SERP1: variants seen among roughly 807,000 people sequenced by gnomAD.
SERP1 encodes stress-associated endoplasmic reticulum protein 1.
SERP1 carries 6 observed loss-of-function variants against 8.8 expected under a neutral mutation model. That is an observed-to-expected ratio of 0.68 (90% confidence interval 0.37 to 1.35). The LOEUF (loss-of-function observed/expected upper bound fraction) is 1.35, where lower values mean the gene tolerates loss of function less well. SERP1 is among the 40% of genes most tolerant of loss of function. The probability of loss-of-function intolerance (pLI) is 0.02; values close to 1 mark genes in which losing one functional copy is unlikely to be tolerated. For synonymous variants in SERP1, 36 were observed against 28.7 expected (o/e 1.25, Z -0.81); for missense variants, 52 against 86.2 (o/e 0.60, Z 1.57).
At chr3:150,545,384 G>C (rs1337824166) in intron 2 of SERP1, 1 of 431,782 alleles carries the variant, frequency 2.3e-6, no homozygotes. Context: ...ACTGATAATG[G>C]AGTTACAAAA....
chr3:150,545,168 A>G (rs1722954782), intron 2 of SERP1, among the ~76,000 whole-genome samples: 2 of 152,286 alleles, frequency 1.3e-5, no homozygotes, highest in African/African-American at 4.8e-5. Context: ...TAAACCATGT[A>G]TCAAACGTTT....
In SERP1 at chr3:150,544,276, T is replaced by C; in HGVS notation, c.*182A>G. 1 of 611,554 alleles carries C rather than the reference T, an allele frequency of 1.6e-6. No homozygotes were observed. Among genetic ancestry groups the C allele is most frequent in the South Asian group, 2.1e-5 (1 of 47,714 alleles). 37.9% of individuals were successfully genotyped at this position (611,554 alleles called of 1,614,324 possible). Reference sequence around the variant, plus strand: ...TGGTGTTTTTTGCAAGGCACTGTGGTATGGACTAGAAAACTTGGAATGACT... The same window carrying C: ...TGGTGTTTTTTGCAAGGCACTGTGGCATGGACTAGAAAACTTGGAATGACT... On this transcript the variant is annotated 3_prime_UTR_variant, in exon 3 of 3. Coordinates refer to ENST00000239944, the MANE Select transcript of SERP1 (RefSeq NM_014445.4).
At position 150,546,386 on chromosome 3, in the gene SERP1, G is replaced by T. The variant is rs1156267002; in HGVS notation, c.-251C>A. On this transcript the variant is annotated 5_prime_UTR_variant, in exon 1 of 3. Coordinates refer to ENST00000239944, the MANE Select transcript of SERP1 (RefSeq NM_014445.4). ...CAGGAGGAAGAGAACTGGCCGCCGG[G>T]TCGTTCTCGCGCCGCCGTCGCCGCC... 1 of 565,470 alleles carries T rather than the reference G, an allele frequency of 1.8e-6. No homozygotes were observed. Among genetic ancestry groups the T allele is most frequent in the Non-Finnish European group, 3.1e-6 (1 of 324,226 alleles). 35.0% of individuals were successfully genotyped at this position (565,470 alleles called of 1,614,324 possible). A position where few individuals can be genotyped will look rare whatever the true frequency, so the allele number is the denominator to read the frequency against.
chr3:150,543,546 A>C lies in SERP1; in HGVS notation c.*912T>G, dbSNP rs1576581036. ...TTAAAAGTGCTATTTAACATGCTAAAATGTCTTATGGCACATTGGACTCAA... is the reference window on the plus strand; with the variant it reads ...TTAAAAGTGCTATTTAACATGCTAACATGTCTTATGGCACATTGGACTCAA... On this transcript the variant is annotated 3_prime_UTR_variant, in exon 3 of 3. Transcript: ENST00000239944. The C allele has an allele frequency of 6.5e-6, 1 of 152,724 alleles. No homozygotes were observed. Among genetic ancestry groups the C allele is most frequent in the East Asian group, 1.9e-4 (1 of 5,186 alleles). 9.5% of individuals were successfully genotyped at this position (152,724 alleles called of 1,614,324 possible).
intron 2 of SERP1, 32 bp from the exon 3 acceptor site, chr3:150,544,530 G>A (rs776031400): frequency 3.8e-6 from 6 of 1,569,272 alleles, no homozygotes; most frequent in Non-Finnish European, 4.4e-6. Flanking sequence ...ATTAAAATAA[G>A]CTTTGAATAA....
At position 150,546,359 on chromosome 3, in the gene SERP1, C is replaced by T. The variant is rs1294117590; in HGVS notation, c.-224G>A. 4 of 580,258 alleles carry T rather than the reference C, an allele frequency of 6.9e-6. No individual in the cohort carries two copies. The highest frequency in any genetic ancestry group is 3.5e-5 in the Admixed American group (1 of 28,676). The allele number at this position is 580,258 out of a possible 1,614,324, so 35.9% of individuals were successfully genotyped here. On this transcript the variant is annotated 5_prime_UTR_variant, in exon 1 of 3. Transcript: ENST00000239944. ...ACTGACTGACCGAGCGGGGCAGGTG[C>T]GCAGGAGGAAGAGAACTGGCCGCCG...
At position 150,545,689 on chromosome 3, in the gene SERP1, C is replaced by T. The variant is rs1204200465; in HGVS notation, c.160+14G>A. On this transcript the variant is annotated intron_variant, in intron 2 of 2. Transcript: ENST00000239944. ...CCCAAGACTCTACCTGATGGGAGCC[C>T]CCAAGCCACTTACCAGAACCACAGA... is the stretch of plus-strand genomic sequence containing the variant. The T allele has an allele frequency of 6.3e-7, 1 of 1,599,156 alleles. No individual in the cohort carries two copies. Among genetic ancestry groups the T allele is most frequent in the South Asian group, 1.1e-5 (1 of 88,924 alleles).
chr3:150,544,930 T>C (rs1254087130), intron 2 of SERP1, among the ~76,000 whole-genome samples: 6 of 152,222 alleles, frequency 3.9e-5, no homozygotes, highest in African/African-American at 1.4e-4. Flanking sequence ...CTCATCCATT[T>C]ATCAGGAAAG....
At position 150,546,185 on chromosome 3, in the gene SERP1, G is replaced by A. The variant is rs1351219018; in HGVS notation, c.-50C>T. On this transcript the variant is annotated 5_prime_UTR_variant, in exon 1 of 3. Transcript: ENST00000239944. ...GGCCACCCCTCGGACTCGCTCACTC[G>A]CCTGCCTCCTCTGGAGCCGCTGCGA... The A allele has an allele frequency of 1.6e-5, 26 of 1,591,450 alleles. No homozygotes were observed. Among genetic ancestry groups the A allele is most frequent in the Non-Finnish European group, 2.2e-5 (26 of 1,165,138 alleles).
Position 150,546,395 on chromosome 3 carries a change from GCGCCGCCGTCGCCGCCGCTTTGGC to G in SERP1, c.-284_-261del. 1 of 561,328 alleles carries G rather than the reference GCGCCGCCGTCGCCGCCGCTTTGGC, an allele frequency of 1.8e-6. No individual in the cohort carries two copies. The highest frequency in any genetic ancestry group is 2.3e-5 in the South Asian group (1 of 44,232). 34.8% of individuals were successfully genotyped at this position (561,328 alleles called of 1,614,324 possible). On this transcript the variant is annotated 5_prime_UTR_variant, in exon 1 of 3. Transcript: ENST00000239944. ...GAGAACTGGCCGCCGGGTCGTTCTC[GCGCCGCCGTCGCCGCCGCTTTGGC>G]CGCCGCCGTGAGCGCGGAGTGAAAG...
Position 150,546,121 on chromosome 3 carries a change from T to C in SERP1, c.15A>G (p.Gln5=), listed in dbSNP as rs761809141. 69 of 1,613,436 alleles carry C rather than the reference T, an allele frequency of 4.3e-5. No individual in the cohort carries two copies. Among genetic ancestry groups the C allele is most frequent in the Admixed American group, 1.2e-4 (7 of 60,012 alleles). ...GCTTCTCGTTGGCCATACGGATCCT[T>C]TGCTTGGCGACCATCTTCGCGGCGC... MVAK[Q]RIRMANEKHS... Residue 5 remains glutamine, a synonymous_variant, in exon 1 of 3, where the codon CAA becomes CAG. Transcript: ENST00000239944.
Position 150,543,573 on chromosome 3 carries a change from A to G in SERP1, c.*885T>C, listed in dbSNP as rs547831143. 6.5e-6 allele frequency: 1 copy of G among 152,744 alleles called. No individual in the cohort carries two copies. Among genetic ancestry groups the G allele is most frequent in the African/African-American group, 2.4e-5 (1 of 41,576 alleles). 9.5% of individuals were successfully genotyped at this position (152,744 alleles called of 1,614,324 possible). Reference sequence around the variant, plus strand: ...TGTCTTATGGCACATTGGACTCAACAGCATGTTCTGATGAGGCATCCATTT... The same window carrying G: ...TGTCTTATGGCACATTGGACTCAACGGCATGTTCTGATGAGGCATCCATTT... On this transcript the variant is annotated 3_prime_UTR_variant, in exon 3 of 3. Transcript: ENST00000239944.
At position 150,546,344 on chromosome 3, in the gene SERP1, C is replaced by T. The variant is rs1053052754; in HGVS notation, c.-209G>A. On this transcript the variant is annotated 5_prime_UTR_variant, in exon 1 of 3. Transcript: ENST00000239944. ...GGGCGCCGGCCGCCGACTGACTGAC[C>T]GAGCGGGGCAGGTGCGCAGGAGGAA... 1.7e-6 allele frequency: 1 copy of T among 595,696 alleles called. No individual in the cohort carries two copies. Among genetic ancestry groups the T allele is most frequent in the South Asian group, 2.1e-5 (1 of 48,144 alleles). 36.9% of individuals were successfully genotyped at this position (595,696 alleles called of 1,614,324 possible). A position where few individuals can be genotyped will look rare whatever the true frequency, so the allele number is the denominator to read the frequency against.
rs1167409468 is a variant in SERP1 at position 150,545,720 on chromosome 3, A to AC, written c.142_143insG (p.Phe48CysfsTer22). On this transcript the variant is annotated frameshift_variant, in exon 2 of 3. Coordinates refer to ENST00000239944, the MANE Select transcript of SERP1 (RefSeq NM_014445.4). LOFTEE classifies it high-confidence loss of function. ...CCACTTACCAGAACCACAGACAACA[A>AC]AAATGAAGAGAGCCAATAACCAGGG... The AC allele has an allele frequency of 6.2e-7, 1 of 1,608,406 alleles. No homozygotes were observed. The highest frequency in any genetic ancestry group is 1.1e-5 in the South Asian group (1 of 90,094).
rs953242087 is a variant in SERP1, at chr3:150,543,907, A to C, written c.*551T>G. ...ATATTAGACATTTAGAAGCTTTTAAAACTTTTTAGATGCTAAAGGTTGTGG... is the reference window on the plus strand; with the variant it reads ...ATATTAGACATTTAGAAGCTTTTAACACTTTTTAGATGCTAAAGGTTGTGG... On this transcript the variant is annotated 3_prime_UTR_variant, in exon 3 of 3. Coordinates refer to ENST00000239944, the MANE Select transcript of SERP1 (RefSeq NM_014445.4). 2 of 152,318 alleles carry C rather than the reference A, an allele frequency of 1.3e-5. No individual in the cohort carries two copies. Among genetic ancestry groups the C allele is most frequent in the Admixed American group, 1.3e-4 (2 of 15,276 alleles). 9.4% of individuals were successfully genotyped at this position (152,318 alleles called of 1,614,324 possible).
chr3:150,546,197 T>C lies in SERP1; in HGVS notation c.-62A>G, dbSNP rs918882952. On this transcript the variant is annotated 5_prime_UTR_variant, in exon 1 of 3. Transcript: ENST00000239944. ...GACTCGCTCACTCGCCTGCCTCCTC[T>C]GGAGCCGCTGCGAGGCTCGGCTCGT... 6.4e-7 allele frequency: 1 copy of C among 1,572,788 alleles called. No individual in the cohort carries two copies. The highest frequency in any genetic ancestry group is 1.3e-5 in the African/African-American group (1 of 74,250).
chr3:150,545,996 G>A (rs145182128), intron 1 of SERP1, 56 bp downstream of exon 1: 46,181 of 1,603,286 alleles, frequency 0.029, 762 homozygotes, highest in Non-Finnish European at 0.032. Flanking sequence ...GCGGCCCCAG[G>A]GACCCGGACT....
At position 150,543,327 on chromosome 3, in the gene SERP1, T is replaced by G. The variant is rs950891781; in HGVS notation, c.*1131A>C. ...CCCTTACCATTAGTAAAACGTAAAT[T>G]TGATCAATCATAACCTATAAAGTCA... On this transcript the variant is annotated 3_prime_UTR_variant, in exon 3 of 3. Coordinates refer to ENST00000239944, the MANE Select transcript of SERP1 (RefSeq NM_014445.4). The G allele has an allele frequency of 3.1e-4, 48 of 152,528 alleles. No individual in the cohort carries two copies. Among genetic ancestry groups the G allele is most frequent in the African/African-American group, 9.4e-4 (39 of 41,408 alleles). The allele number at this position is 152,528 out of a possible 1,614,324, so 9.4% of individuals were successfully genotyped here.
chr3:150,545,218 T>C (rs970019137), intron 2 of SERP1, among the ~76,000 whole-genome samples: 2 of 152,190 alleles, frequency 1.3e-5, no homozygotes, highest in African/African-American at 4.8e-5. Flanking sequence ...CACATTAAAA[T>C]GCCAATCAGG....
Sources: allele counts gnomAD v4.1 joint callset (sites outside exome capture counted in the v4.1 genomes callset), GRCh38; gene constraint gnomAD v4.1.1; transcripts MANE v1.5; gene names NCBI Gene and HGNC (gene_info 2026-07-23, HGNC 2026-07-21).